SULT1C2: variants seen among roughly 807,000 people sequenced by gnomAD.
The protein encoded by SULT1C2 is sulfotransferase 1C2.
A neutral mutation model predicts 36.0 loss-of-function variants in SULT1C2; 27 were observed. The observed-to-expected ratio is 0.75, with a 90% CI of 0.55 to 1.03. The LOEUF is 1.03. Among genes scored for constraint, SULT1C2 ranks in the 50% least tolerant of loss-of-function variants. The pLI, the probability that SULT1C2 is intolerant of heterozygous loss-of-function variation, is 0.00. For synonymous variants in SULT1C2, 121 were observed against 116.0 expected (o/e 1.04, Z -0.27); for missense variants, 395 against 359.2 (o/e 1.10, Z -0.80).
In SULT1C2 at chr2:108,308,666, C is replaced by A. The variant is rs1262163306; in HGVS notation, c.*202C>A. On this transcript the variant is annotated 3_prime_UTR_variant, in exon 8 of 8. Coordinates refer to ENST00000251481, the MANE Select transcript of SULT1C2 (RefSeq NM_001056.4). ...TCTAATGCCCATTTTCCCAACTATT[C>A]TTTCCAAAGTAAGATATAAGGTAGC... The A allele has an allele frequency of 3.4e-5, 17 of 503,180 alleles. No homozygotes were observed. In the Middle Eastern group the frequency reaches 2.0e-3, roughly 60 times the overall value. The allele number at this position is 503,180 out of a possible 1,614,324, so 31.2% of individuals were successfully genotyped here. A position where few individuals can be genotyped will look rare whatever the true frequency, so the allele number is the denominator to read the frequency against.
In SULT1C2 at chr2:108,308,338, C is replaced by T. The variant is rs1432341872; in HGVS notation, c.779-14C>T. Reference sequence around the variant, plus strand: ...AATCAGAGTGACACTCCTGTCTGGCCTTCCTTTTTCTAGGAACTGTGGGGG... The same window carrying T: ...AATCAGAGTGACACTCCTGTCTGGCTTTCCTTTTTCTAGGAACTGTGGGGG... On this transcript the variant is annotated splice_polypyrimidine_tract_variant and intron_variant, in intron 7 of 7. Transcript: ENST00000251481. 1.3e-6 allele frequency: 2 copies of T among 1,597,720 alleles called. No homozygotes were observed. Among genetic ancestry groups the T allele is most frequent in the Non-Finnish European group, 1.7e-6 (2 of 1,174,568 alleles).
Position 108,308,495 on chromosome 2 carries a change from G to A in SULT1C2, c.*31G>A. ...ATGTAAATAAAATTAAAAGGTGGAT[G>A]GCAAGAGTGCAAATACTATCTTCAA... On this transcript the variant is annotated 3_prime_UTR_variant, in exon 8 of 8. Coordinates refer to ENST00000251481, the MANE Select transcript of SULT1C2 (RefSeq NM_001056.4). 1 of 1,562,256 alleles carries A rather than the reference G, an allele frequency of 6.4e-7. No homozygotes were observed. The highest frequency in any genetic ancestry group is 8.7e-7 in the Non-Finnish European group (1 of 1,150,066).
rs1166989244 is a variant in SULT1C2, at chr2:108,304,688, A to G, written c.490A>G (p.Ile164Val). The G allele has an allele frequency of 1.9e-6, 3 of 1,612,830 alleles. No individual in the cohort carries two copies. The highest frequency in any genetic ancestry group is 2.5e-6 in the Non-Finnish European group (3 of 1,179,500). Residue 164 changes from isoleucine to valine, a missense_variant, in exon 5 of 8, where the codon ATC becomes GTC. Coordinates refer to ENST00000251481, the MANE Select transcript of SULT1C2 (RefSeq NM_001056.4). ...GTWEEYFETFINGKVVWGSWF... is the reference protein window; with the variant it reads ...GTWEEYFETFVNGKVVWGSWF... ...CTGGGAAGAGTATTTTGAAACCTTC[A>G]TCAATGGAAAAGGTACGGGAACATC... is the stretch of plus-strand genomic sequence containing the variant.
chr2:108,296,644 G>C (rs982893400), intron 3 of SULT1C2, among the ~76,000 whole-genome samples: 2 of 152,126 alleles, frequency 1.3e-5, no homozygotes, highest in Admixed American at 6.5e-5. Context: ...GTACAGTCAG[G>C]GTTTTACCAT....
Position 108,293,786 on chromosome 2 carries a change from A to G in SULT1C2, c.119A>G (p.Asp40Gly), listed in dbSNP as rs770750172. 1 of 1,614,102 alleles carries G rather than the reference A, an allele frequency of 6.2e-7. No individual in the cohort carries two copies. The highest frequency in any genetic ancestry group is 1.7e-5 in the Admixed American group (1 of 60,026). The change falls in exon 2 of 8, where the codon GAT (aspartate) becomes GGT (glycine). Residue 40 changes from aspartate to glycine, a missense_variant. By Grantham distance (94) the Asp-to-Gly change is moderately conservative (BLOSUM62 -1). Coordinates refer to ENST00000251481, the MANE Select transcript of SULT1C2 (RefSeq NM_001056.4). ...ATCCAGAGCTTCGAGGCCAAACCAG[A>G]TGATCTCCTCATCTGCACCTACCCT... ...SQIQSFEAKP[D>G]DLLICTYPKA...
chr2:108,305,822 A>G (rs983502685), intron 7 of SULT1C2, among the ~76,000 whole-genome samples: 2 of 152,206 alleles, frequency 1.3e-5, no homozygotes, highest in African/African-American at 4.8e-5. Context: ...GCTAGCCCCA[A>G]AGAAAGGGGC....
At chr2:108,301,759 C>A (rs1397215476) in intron 4 of SULT1C2, 1 of 152,248 alleles carries the variant, frequency 6.6e-6, no homozygotes, top group East Asian at 1.9e-4. Context: ...TTAGACACGT[C>A]CTTGCTGAGT....
Position 108,307,462 on chromosome 2 carries a change from C to T in SULT1C2, c.779-890C>T, listed in dbSNP as rs573424243. ...CCCATGTTATACCAAGCGAAGGATG[C>T]ATCATAATTCATCCAACTATTCCCT... is the stretch of plus-strand genomic sequence containing the variant. On this transcript the variant is annotated intron_variant, in intron 7 of 7. Coordinates refer to ENST00000251481, the MANE Select transcript of SULT1C2 (RefSeq NM_001056.4). 3.3e-5 allele frequency among the ~76,000 whole-genome samples: 5 copies of T among 152,298 alleles called. No individual in the cohort carries two copies. In the South Asian group the frequency reaches 8.3e-4, roughly 25 times the overall value.
At chr2:108,296,282 G>C (rs1676725334) in intron 3 of SULT1C2, among the ~76,000 whole-genome samples, 1 of 152,218 alleles carries the variant, frequency 6.6e-6, no homozygotes, top group Admixed American at 6.5e-5. Context: ...GTAGAATCCA[G>C]AGAAAGGATG....
chr2:108,309,657 T>G lies in SULT1C2; in HGVS notation c.*1193T>G, dbSNP rs2104427768. 1 of 152,192 alleles carries G rather than the reference T, an allele frequency of 6.6e-6. No individual in the cohort carries two copies. Among genetic ancestry groups the G allele is most frequent in the Middle Eastern group, 3.4e-3 (1 of 294 alleles). The allele number at this position is 152,192 out of a possible 1,614,324, so 9.4% of individuals were successfully genotyped here. The stretch of plus-strand genomic sequence containing the variant: ...TTTTTAAAATAGGGTCTTGCTATGT[T>G]GCCCAGGCTGGTCTTAACTGACTGC... On this transcript the variant is annotated 3_prime_UTR_variant, in exon 8 of 8. Coordinates refer to ENST00000251481, the MANE Select transcript of SULT1C2 (RefSeq NM_001056.4).
intron 3 of SULT1C2, among the ~76,000 whole-genome samples, 156 bp downstream of exon 3, chr2:108,294,510 CT>C (rs1321387818): frequency 3.2e-5 from 2 of 62,946 alleles, no homozygotes; most frequent in African/African-American, 5.6e-5. Context: ...TCATATGTTT[CT>C]TCCTTTTATC....
chr2:108,293,956 G>A, intron 2 of SULT1C2, 138 bp downstream of exon 2: 1 of 1,358,380 alleles, frequency 7.4e-7, no homozygotes, highest in Non-Finnish European at 9.8e-7. Flanking sequence ...GGCTCACACA[G>A]GATGCCTGAT....
chr2:108,306,179 G>A (rs17036111), intron 7 of SULT1C2, among the ~76,000 whole-genome samples: 2,703 of 152,266 alleles, frequency 0.018, 75 homozygotes, highest in African/African-American at 0.061. Context: ...TACAACTACT[G>A]TTGAGAACTG....
intron 3 of SULT1C2, chr2:108,298,580 C>T: frequency 3.7e-6 from 1 of 272,098 alleles, no homozygotes; most frequent in Non-Finnish European, 7.3e-6. Context: ...CAGGATTTCA[C>T]CATGTTGCCC....
rs1676847332 is a variant in SULT1C2, at chr2:108,300,712, A to G, written c.278-126A>G. ...ATTAATAATCCCATTGTAAAATCCCAAAAGAAAGTCAAGAGACTAGCAGAA... is the reference window on the plus strand; with the variant it reads ...ATTAATAATCCCATTGTAAAATCCCGAAAGAAAGTCAAGAGACTAGCAGAA... On this transcript the variant is annotated intron_variant, in intron 3 of 7. Transcript: ENST00000251481. 11 of 1,428,644 alleles carry G rather than the reference A, an allele frequency of 7.7e-6. 1 individual carries two copies. The South Asian group carries it at 1.8e-4, about 24-fold the overall frequency. 88.5% of individuals were successfully genotyped at this position (1,428,644 alleles called of 1,614,324 possible).
intron 3 of SULT1C2, among the ~76,000 whole-genome samples, chr2:108,296,990 A>C (rs1409445085): frequency 2.6e-5 from 4 of 152,172 alleles, no homozygotes; most frequent in Middle Eastern, 3.2e-3. Flanking sequence ...CCGTTCTGTG[A>C]CAAAAGGGAT....
At chr2:108,303,254 G>C (rs1005878951) in intron 4 of SULT1C2, 1 of 152,532 alleles carries the variant, frequency 6.6e-6, no homozygotes, top group African/African-American at 2.4e-5. Flanking sequence ...AGTGGTGACT[G>C]TCATAAGGAA....
chr2:108,308,425 G>A lies in SULT1C2; in HGVS notation c.852G>A (p.Lys284=). 6.2e-7 allele frequency: 1 copy of A among 1,612,756 alleles called. No individual in the cohort carries two copies. The highest frequency in any genetic ancestry group is 1.1e-5 in the South Asian group (1 of 90,692). The change falls in exon 8 of 8, where the codon AAG becomes AAA. Residue 284 remains lysine (K), a synonymous_variant. Transcript: ENST00000251481. ...GGTTTGATGAAATCTATAGAAGAAA[G>A]ATGGAAGGAACCTCCATAAACTTCT... ...NERFDEIYRR[K]MEGTSINFCM... is the part of the protein sequence containing the mutation.
rs1418612055 is a variant in SULT1C2, at chr2:108,309,767, AAAAAG to A, written c.*1314_*1318del. ...CTGAAAAAGAGAAAAAAAAAAGGAAAAAAAGAAAAGAAAAGTGAAAAGAAAAACTC... is the reference window on the plus strand; with the variant it reads ...CTGAAAAAGAGAAAAAAAAAAGGAAAAAAAGAAAAGTGAAAAGAAAAACTC... On this transcript the variant is annotated 3_prime_UTR_variant, in exon 8 of 8. Coordinates refer to ENST00000251481, the MANE Select transcript of SULT1C2 (RefSeq NM_001056.4). 1.2e-3 allele frequency: 181 copies of A among 151,664 alleles called. No individual in the cohort carries two copies. Among genetic ancestry groups the A allele is most frequent in the African/African-American group, 4.2e-3 (173 of 41,436 alleles). The allele number at this position is 151,664 out of a possible 1,614,324, so 9.4% of individuals were successfully genotyped here.
Sources: gnomAD v4.1 joint callset for allele counts (sites outside exome capture counted in the v4.1 genomes callset) on GRCh38, gnomAD v4.1.1 for gene constraint, MANE v1.5 for transcripts, NCBI Gene and HGNC (gene_info 2026-07-23, HGNC 2026-07-21) for gene names.